The following NTNG1 variants were observed in gnomAD, a reference collection of about 807,000 sequenced individuals.
NTNG1 encodes netrin G1.
In NTNG1, 16 loss-of-function variants were observed where a neutral mutation model predicts 54.0. That is an observed-to-expected ratio of 0.30 (90% CI 0.20 to 0.45). NTNG1 has a LOEUF of 0.45. Ranked by LOEUF, NTNG1 falls within the 20% of genes least tolerant of loss-of-function variation. The pLI, the probability that NTNG1 is intolerant of heterozygous loss-of-function variation, is 1.00. For missense variants in NTNG1, 530 were observed against 678.7 expected (o/e 0.78, Z 2.43); for synonymous variants, 255 against 263.1 (o/e 0.97, Z 0.30).
chr1:107,297,510 A>G lies in NTNG1; in HGVS notation c.247-26772A>G, dbSNP rs2493994. On this transcript the variant is annotated intron_variant, in intron 2 of 7. Transcript: ENST00000370068. ...AACAAATGATATTTATGGGCACCCC[A>G]CTCCAGTATCAAGATCACCAGGAGT... Among the ~76,000 whole-genome samples the G allele has an allele frequency of 9.0e-3, 1,367 of 151,960 alleles. 20 individuals are homozygous for G. The highest frequency in any genetic ancestry group is 0.032 in the African/African-American group (1,311 of 41,462).
chr1:107,231,310 C>T (rs1661050595), intron 2 of NTNG1, among the ~76,000 whole-genome samples: 1 of 152,180 alleles, frequency 6.6e-6, no homozygotes, highest in South Asian at 2.1e-4. Flanking sequence ...CTTCTCAGTA[C>T]TGGATGTAGC....
At chr1:107,431,293 T>C (rs1675249378) in intron 6 of NTNG1, among the ~76,000 whole-genome samples, 1 of 152,160 alleles carries the variant, frequency 6.6e-6, no homozygotes, top group Non-Finnish European at 1.5e-5. Context: ...ACTCATTATA[T>C]GCGATTTAAT....
At chr1:107,220,884 C>T (rs546088076) in intron 2 of NTNG1, among the ~76,000 whole-genome samples, 1 of 152,138 alleles carries the variant, frequency 6.6e-6, no homozygotes, top group Non-Finnish European at 1.5e-5. Context: ...TATCCCACCA[C>T]TAAGAGGCAA....
intron 2 of NTNG1, among the ~76,000 whole-genome samples, chr1:107,313,820 G>C (rs1350724943): frequency 6.6e-6 from 1 of 152,116 alleles, no homozygotes; most frequent in East Asian, 1.9e-4. Flanking sequence ...GACTTTCACT[G>C]ATAATGTGGA....
intron 3 of NTNG1, among the ~76,000 whole-genome samples, chr1:107,368,575 C>T (rs1438479737): frequency 1.3e-5 from 2 of 152,310 alleles, no homozygotes; most frequent in South Asian, 4.1e-4. Context: ...AAGTAACATA[C>T]TAACAGTGAG....
chr1:107,471,074 G>GT lies in NTNG1; in HGVS notation c.1391-9531dup, dbSNP rs545996402. Among the ~76,000 whole-genome samples the GT allele has an allele frequency of 3.9e-5, 6 of 152,224 alleles. No individual in the cohort carries two copies. The East Asian group carries it at 1.2e-3, about 29-fold the overall frequency. On this transcript the variant is annotated intron_variant, in intron 7 of 7. Coordinates refer to ENST00000370068, the MANE Select transcript of NTNG1 (RefSeq NM_001113226.3). The stretch of plus-strand genomic sequence containing the variant: ...AGGCTCTTTAATGGTGTTTTAAGCA[G>GT]TTTTTTCTATGGTTTGGCAAAAGAA...
At chr1:107,256,635 T>G (rs72699333) in intron 2 of NTNG1, among the ~76,000 whole-genome samples, 12,374 of 152,200 alleles carry the variant, frequency 0.081, 578 homozygotes, top group Middle Eastern at 0.11. Flanking sequence ...TTCAGGCAGA[T>G]AATGCCGCAT....
At chr1:107,339,628 A>G (rs1442918492) in intron 3 of NTNG1, among the ~76,000 whole-genome samples, 2 of 152,126 alleles carry the variant, frequency 1.3e-5, no homozygotes. Context: ...TTAGTAAACT[A>G]GAAATGACTT....
At chr1:107,188,595 G>A (rs771003137) in intron 2 of NTNG1, among the ~76,000 whole-genome samples, 9 of 152,012 alleles carry the variant, frequency 5.9e-5, no homozygotes, top group Non-Finnish European at 1.0e-4. Flanking sequence ...TAATTTCCAG[G>A]TATGAGCCTG....
intron 2 of NTNG1, among the ~76,000 whole-genome samples, chr1:107,201,451 TC>T (rs1658748899): frequency 6.6e-6 from 1 of 151,868 alleles, no homozygotes. Flanking sequence ...CTTCTTCATT[TC>T]CCTTTTGTCT....
intron 4 of NTNG1, among the ~76,000 whole-genome samples, chr1:107,403,229 C>T (rs1464805952): frequency 1.3e-5 from 2 of 152,046 alleles, no homozygotes; most frequent in African/African-American, 4.8e-5. Context: ...GAAGGAAGGG[C>T]TGATTGAGGA....
intron 3 of NTNG1, among the ~76,000 whole-genome samples, chr1:107,394,853 G>A (rs1229777676): frequency 6.6e-6 from 1 of 152,054 alleles, no homozygotes; most frequent in Non-Finnish European, 1.5e-5. Flanking sequence ...GAACCTGTTG[G>A]GAACCCCTTG....
Position 107,148,544 on chromosome 1 carries a change from A to G in NTNG1, c.-50A>G, listed in dbSNP as rs1479660630. 1 of 1,580,356 alleles carries G rather than the reference A, an allele frequency of 6.3e-7. No homozygotes were observed. The highest frequency in any genetic ancestry group is 1.4e-5 in the African/African-American group (1 of 73,980). On this transcript the variant is annotated 5_prime_UTR_variant, in exon 2 of 8. Coordinates refer to ENST00000370068, the MANE Select transcript of NTNG1 (RefSeq NM_001113226.3). Reference sequence around the variant, plus strand: ...GTAAACTAGACAAAGATCGCAGATCATAAAGCAAGCTCTGCTTTAGTTTCC... The same window carrying G: ...GTAAACTAGACAAAGATCGCAGATCGTAAAGCAAGCTCTGCTTTAGTTTCC...
chr1:107,250,245 T>A (rs1027303803), intron 2 of NTNG1, among the ~76,000 whole-genome samples: 1 of 152,218 alleles, frequency 6.6e-6, no homozygotes, highest in East Asian at 1.9e-4. Flanking sequence ...AAACCTCTTC[T>A]GGTAAAAATA....
intron 7 of NTNG1, among the ~76,000 whole-genome samples, chr1:107,448,443 G>C (rs1676427865): frequency 6.6e-6 from 1 of 152,058 alleles, no homozygotes; most frequent in Non-Finnish European, 1.5e-5. Context: ...CAACTTAAAA[G>C]TGTGATCCCT....
At chr1:107,285,497 A>G (rs1388728592) in intron 2 of NTNG1, among the ~76,000 whole-genome samples, 1 of 152,134 alleles carries the variant, frequency 6.6e-6, no homozygotes, top group Non-Finnish European at 1.5e-5. Context: ...TGTGCATGAA[A>G]GAATGATCAA....
chr1:107,167,371 C>A (rs1175892997), intron 2 of NTNG1, among the ~76,000 whole-genome samples: 1 of 151,568 alleles, frequency 6.6e-6, no homozygotes, highest in Non-Finnish European at 1.5e-5. Context: ...AATATATATT[C>A]TATATGATTT....
chr1:107,388,936 C>T (rs550093248), intron 3 of NTNG1, among the ~76,000 whole-genome samples: 1 of 151,102 alleles, frequency 6.6e-6, no homozygotes, highest in South Asian at 2.1e-4. Context: ...TTTGTGCTAA[C>T]ACGTTCTCTA....
intron 2 of NTNG1, among the ~76,000 whole-genome samples, chr1:107,263,290 TTCCTTC>T: frequency 7.8e-6 from 1 of 127,762 alleles, no homozygotes. Context: ...CCTTCCTTCC[TTCCTTC>T]CTTCCTTCCT....
Sources: gnomAD v4.1 joint callset for allele counts (sites outside exome capture counted in the v4.1 genomes callset) on GRCh38, gnomAD v4.1.1 for gene constraint, MANE v1.5 for transcripts, NCBI Gene and HGNC (gene_info 2026-07-23, HGNC 2026-07-21) for gene names.